Variants in OPCML observed in about 807,000 individuals in gnomAD.
OPCML encodes the protein opioid binding protein/cell adhesion molecule like, also known as opioid-binding protein/cell adhesion molecule.
A neutral mutation model predicts 37.8 loss-of-function variants in OPCML; 13 were observed. The ratio of observed to expected loss-of-function variants is 0.34; its 90% CI spans 0.22 to 0.55. OPCML has a LOEUF of 0.55. Ranked by LOEUF, OPCML falls within the 20% of genes least tolerant of loss-of-function variation. The pLI is 0.91. For synonymous variants in OPCML, 176 were observed against 168.8 expected, an observed-to-expected ratio of 1.04 and a Z score of -0.33; for missense variants, 341 against 435.6, an observed-to-expected ratio of 0.78 and a Z score of 1.93.
At chr11:132,607,847 C>T (rs914892065) in intron 3 of OPCML, among the ~76,000 whole-genome samples, 17 of 152,032 alleles carry the variant, frequency 1.1e-4, no homozygotes, top group Non-Finnish European at 1.5e-5. Flanking sequence ...TTACCAGAGG[C>T]AGAGAAGAGT....
intron 1 of OPCML, among the ~76,000 whole-genome samples, chr11:133,224,695 T>C (rs1346227395): frequency 2.6e-5 from 4 of 152,228 alleles, no homozygotes; most frequent in Non-Finnish European, 4.4e-5. Flanking sequence ...GCTGTATCAT[T>C]ACAAATAAAA....
chr11:132,964,623 T>A (rs1946172467), intron 1 of OPCML, among the ~76,000 whole-genome samples: 1 of 152,138 alleles, frequency 6.6e-6, no homozygotes, highest in Admixed American at 6.6e-5. Flanking sequence ...TCCTCCCTGT[T>A]ACATCCTACC....
chr11:132,796,431 A>C lies in OPCML; in HGVS notation c.147-139112T>G, dbSNP rs576748634. Among the ~76,000 whole-genome samples the C allele has an allele frequency of 4.3e-4, 66 of 152,224 alleles. 1 individual carries two copies. The highest frequency in any genetic ancestry group is 1.5e-3 in the African/African-American group (63 of 41,540). On this transcript the variant is annotated intron_variant, in intron 2 of 7. Coordinates refer to ENST00000524381, the MANE Select transcript of OPCML (RefSeq NM_001012393.5). ...GGACACAGAATTGATAAGCGTGATA[A>C]CTTTATGTTTAATCTTTTGAAGACC...
intron 2 of OPCML, among the ~76,000 whole-genome samples, chr11:132,907,782 T>C (rs1003746880): frequency 2.7e-5 from 4 of 149,902 alleles, no homozygotes; most frequent in African/African-American, 1.0e-4. Flanking sequence ...AAATGCTCAC[T>C]GCACGTTGCT....
intron 1 of OPCML, among the ~76,000 whole-genome samples, chr11:133,348,340 C>A (rs1944047855): frequency 6.6e-6 from 1 of 152,142 alleles, no homozygotes; most frequent in African/African-American, 2.4e-5. Context: ...ATCTTTGAAT[C>A]CCCCCAGCAC....
chr11:132,632,714 A>C (rs1940230385), intron 3 of OPCML, among the ~76,000 whole-genome samples: 1 of 152,014 alleles, frequency 6.6e-6, no homozygotes, highest in African/African-American at 2.4e-5. Flanking sequence ...GGTATGTGAG[A>C]TATGTATCTA....
intron 1 of OPCML, among the ~76,000 whole-genome samples, chr11:133,432,118 G>A (rs1322805523): frequency 6.6e-6 from 1 of 152,148 alleles, no homozygotes; most frequent in South Asian, 2.1e-4. Context: ...ACAGGAGGGT[G>A]AGGATTGAAA....
chr11:132,919,755 G>A (rs1185290240), intron 2 of OPCML, among the ~76,000 whole-genome samples: 1 of 152,140 alleles, frequency 6.6e-6, no homozygotes, highest in African/African-American at 2.4e-5. Context: ...TAAAGATAGA[G>A]GCCATGCTGT....
At chr11:133,304,815 CA>C (rs1942871424) in intron 1 of OPCML, among the ~76,000 whole-genome samples, 2 of 152,130 alleles carry the variant, frequency 1.3e-5, no homozygotes, top group Admixed American at 1.3e-4. Flanking sequence ...CCTTCCTTTT[CA>C]AAAACACTTT....
chr11:133,089,730 G>C (rs960520320), intron 1 of OPCML, among the ~76,000 whole-genome samples: 3 of 151,720 alleles, frequency 2.0e-5, no homozygotes, highest in African/African-American at 7.3e-5. Flanking sequence ...TATCAGAGAA[G>C]GATTTGTTGA....
chr11:132,855,177 T>C (rs1424330266), intron 2 of OPCML, among the ~76,000 whole-genome samples: 2 of 152,160 alleles, frequency 1.3e-5, no homozygotes, highest in East Asian at 1.9e-4. Context: ...GAACCTAAGA[T>C]TGGTCTTGTG....
rs138152640 is a variant in OPCML, at chr11:133,489,231, C to G, written c.61+43033G>C. Among the ~76,000 whole-genome samples the G allele has an allele frequency of 1.2e-3, 183 of 151,722 alleles. 1 individual carries two copies. Among genetic ancestry groups the G allele is most frequent in the Non-Finnish European group, 2.2e-3 (147 of 67,914 alleles). The stretch of plus-strand genomic sequence containing the variant: ...CAAAGCCAAAAATAGATAAATGGGA[C>G]TTAATTAAACTAAAAGCTTCTGCAC... On this transcript the variant is annotated intron_variant, in intron 1 of 7. Coordinates refer to ENST00000524381, the MANE Select transcript of OPCML (RefSeq NM_001012393.5).
At chr11:133,004,593 C>T (rs1591901931) in intron 1 of OPCML, 8 of 985,346 alleles carry the variant, frequency 8.1e-6, no homozygotes, top group East Asian at 1.1e-4. Context: ...CTGCTCCATG[C>T]GAAGGGTCTG....
intron 3 of OPCML, among the ~76,000 whole-genome samples, chr11:132,634,166 G>A (rs1358368282): frequency 6.6e-6 from 1 of 152,196 alleles, no homozygotes; most frequent in Non-Finnish European, 1.5e-5. Flanking sequence ...ATTAAGATTT[G>A]ATGGCCTGGC....
At chr11:133,006,803 C>G in intron 1 of OPCML, 2 of 985,452 alleles carry the variant, frequency 2.0e-6, no homozygotes, top group Non-Finnish European at 2.4e-6. Context: ...GCCTTCCACT[C>G]TAGCAGGAGC....
intron 1 of OPCML, among the ~76,000 whole-genome samples, chr11:133,317,298 A>C (rs1943226550): frequency 6.6e-6 from 1 of 152,262 alleles, no homozygotes. Context: ...ACTTCTGGTT[A>C]ACCTGAAACA....
intron 1 of OPCML, among the ~76,000 whole-genome samples, chr11:133,312,104 A>T (rs1429425274): frequency 3.3e-5 from 5 of 152,238 alleles, no homozygotes; most frequent in Non-Finnish European, 7.3e-5. Flanking sequence ...TCAAATAGAT[A>T]TTAAAGATGA....
At chr11:133,119,517 C>T (rs970664279) in intron 1 of OPCML, among the ~76,000 whole-genome samples, 1 of 151,946 alleles carries the variant, frequency 6.6e-6, no homozygotes, top group African/African-American at 2.4e-5. Context: ...CGCAGCCCAG[C>T]CCAGGGCACT....
intron 1 of OPCML, among the ~76,000 whole-genome samples, chr11:133,468,187 G>C (rs534851144): frequency 1.3e-5 from 2 of 152,184 alleles, no homozygotes; most frequent in Non-Finnish European, 2.9e-5. Flanking sequence ...GCAATGGCAC[G>C]GTTTCCAGGA....
Sources: gnomAD v4.1 joint callset for allele counts (sites outside exome capture counted in the v4.1 genomes callset) on GRCh38, gnomAD v4.1.1 for gene constraint, MANE v1.5 for transcripts, NCBI Gene and HGNC (gene_info 2026-07-23, HGNC 2026-07-21) for gene names.